The following ANKRD55 variants were observed in gnomAD, a reference collection of about 807,000 sequenced individuals.
ANKRD55 encodes the protein ankyrin repeat domain 55, also known as ankyrin repeat domain-containing protein 55.
A neutral mutation model predicts 60.6 loss-of-function variants in ANKRD55; 41 were observed. That is an observed-to-expected ratio of 0.68 (90% confidence interval 0.53 to 0.88). The LOEUF is 0.88. Ranked by LOEUF, ANKRD55 falls within the 40% of genes least tolerant of loss-of-function variation. ANKRD55 has a pLI of 0.00. For synonymous variants in ANKRD55, 264 were observed against 290.3 expected (o/e 0.91, Z 0.92); for missense variants, 732 against 767.6 (o/e 0.95, Z 0.55).
intron 4 of ANKRD55, among the ~76,000 whole-genome samples, chr5:56,172,006 C>G (rs1758619277): frequency 6.6e-6 from 1 of 151,806 alleles, no homozygotes; most frequent in Non-Finnish European, 1.5e-5. Flanking sequence ...GTAGTCCCAG[C>G]TACTCGGGAG....
At chr5:56,202,848 G>T (rs1467245148) in intron 2 of ANKRD55, among the ~76,000 whole-genome samples, 3 of 152,138 alleles carry the variant, frequency 2.0e-5, no homozygotes, top group Non-Finnish European at 4.4e-5. Context: ...ATTTCATGTT[G>T]AGCATCTCTC....
At chr5:56,128,625 G>A (rs1033362695) in intron 7 of ANKRD55, among the ~76,000 whole-genome samples, 1 of 152,162 alleles carries the variant, frequency 6.6e-6, no homozygotes, top group Admixed American at 6.5e-5. Context: ...GATCCTCCCA[G>A]GAAGAATGGT....
At chr5:56,194,472 T>C (rs187816415) in intron 2 of ANKRD55, among the ~76,000 whole-genome samples, 54 of 152,296 alleles carry the variant, frequency 3.5e-4, no homozygotes, top group African/African-American at 1.3e-3. Flanking sequence ...GCTGTGATTA[T>C]TTATAATTGG....
chr5:56,166,154 C>CTTTCTTTCT (rs11283204), intron 5 of ANKRD55, among the ~76,000 whole-genome samples: 19 of 71,504 alleles, frequency 2.7e-4, no homozygotes, highest in East Asian at 1.1e-3. Context: ...TTCTTTCTTT[C>CTTTCTTTCT]TTCTTTCCTT....
chr5:56,193,681 C>A (rs115351622), intron 2 of ANKRD55: 29,077 of 223,532 alleles, frequency 0.13, 3,706 homozygotes, highest in African/African-American at 0.37. Flanking sequence ...CTAGCATTGC[C>A]CTGAAGAAGG....
At chr5:56,112,085 A>G (rs2111677497) in intron 9 of ANKRD55, among the ~76,000 whole-genome samples, 3 of 152,326 alleles carry the variant, frequency 2.0e-5, no homozygotes, top group Non-Finnish European at 4.4e-5. Context: ...GTTTTCAACA[A>G]GAGGTTAACT....
chr5:56,131,166 A>AC lies in ANKRD55; in HGVS notation c.613-4061_613-4060insG, dbSNP rs200404959. Among the ~76,000 whole-genome samples, 21 of 151,976 alleles carry AC rather than the reference A, an allele frequency of 1.4e-4. No homozygotes were observed. In the South Asian group the frequency reaches 1.7e-3, roughly 12 times the overall value. On this transcript the variant is annotated intron_variant, in intron 7 of 11. Coordinates refer to ENST00000341048, the MANE Select transcript of ANKRD55 (RefSeq NM_024669.3). ...ATAAATGCCAAAAACAACAAAAAAAAACAACAAAACAAACAAAAAACCCTA... is the reference window on the plus strand; with the variant it reads ...ATAAATGCCAAAAACAACAAAAAAAACACAACAAAACAAACAAAAAACCCTA...
chr5:56,186,902 A>T (rs555752578), intron 2 of ANKRD55, among the ~76,000 whole-genome samples: 17 of 152,330 alleles, frequency 1.1e-4, no homozygotes, highest in Non-Finnish European at 2.1e-4. Flanking sequence ...CAGGAGGAAG[A>T]TCCTGGTGGT....
At chr5:56,227,286 A>T (rs1187039552) in intron 2 of ANKRD55, among the ~76,000 whole-genome samples, 1 of 140,030 alleles carries the variant, frequency 7.1e-6, no homozygotes. Context: ...AGAACTGAAC[A>T]TTGAGAACAC....
At chr5:56,178,122 G>A (rs1758776076) in intron 3 of ANKRD55, among the ~76,000 whole-genome samples, 1 of 152,026 alleles carries the variant, frequency 6.6e-6, no homozygotes, top group Non-Finnish European at 1.5e-5. Context: ...CACTGTACCT[G>A]GTACCGGGAA....
Position 56,232,783 on chromosome 5 carries a change from CT to C in ANKRD55, c.58+72del, listed in dbSNP as rs1020752418. 4.2e-6 allele frequency: 6 copies of C among 1,442,588 alleles called. No individual in the cohort carries two copies. In the African/African-American group the frequency reaches 7.2e-5, roughly 17 times the overall value. The allele number at this position is 1,442,588 out of a possible 1,614,324, so 89.4% of individuals were successfully genotyped here. ...ACACACACACACTTCTCTTTCTCTC[CT>C]TACAACTGTAAATCCATACCATGAG... On this transcript the variant is annotated intron_variant, in intron 2 of 11. Coordinates refer to ENST00000341048, the MANE Select transcript of ANKRD55 (RefSeq NM_024669.3).
chr5:56,116,620 C>T lies in ANKRD55; in HGVS notation c.960G>A (p.Glu320=), dbSNP rs1277921397. 1.9e-6 allele frequency: 3 copies of T among 1,581,918 alleles called. No homozygotes were observed. Among genetic ancestry groups the T allele is most frequent in the Non-Finnish European group, 2.6e-6 (3 of 1,165,672 alleles). ...CTGGCTCCTGTTGTACTCACCTGCT[C>T]TCTTGGGAGAGGAGTTTGACACACG... ...HTACVKLLSQ[E]SRTEPTRPPP... Residue 320 remains glutamate (E), a synonymous_variant, in exon 9 of 12, where the codon GAG becomes GAA. Coordinates refer to ENST00000341048, the MANE Select transcript of ANKRD55 (RefSeq NM_024669.3).
intron 7 of ANKRD55, among the ~76,000 whole-genome samples, chr5:56,141,631 C>G (rs1580976035): frequency 6.6e-6 from 1 of 152,268 alleles, no homozygotes; most frequent in South Asian, 2.1e-4. Flanking sequence ...GGGTGGCACA[C>G]CCAGAGAGGG....
chr5:56,150,359 A>G (rs1003810722), intron 6 of ANKRD55, among the ~76,000 whole-genome samples: 1 of 152,150 alleles, frequency 6.6e-6, no homozygotes, highest in Non-Finnish European at 1.5e-5. Flanking sequence ...CGCATTAATA[A>G]ACAACCTTAT....
chr5:56,190,011 AT>A (rs1364704253), intron 2 of ANKRD55, among the ~76,000 whole-genome samples: 5 of 152,218 alleles, frequency 3.3e-5, no homozygotes, highest in African/African-American at 7.2e-5. Flanking sequence ...TTTAAAAAAA[AT>A]AATAGCCATC....
chr5:56,109,536 CTT>C (rs933504019), intron 10 of ANKRD55, among the ~76,000 whole-genome samples: 1 of 144,624 alleles, frequency 6.9e-6, no homozygotes. Flanking sequence ...ACCTGTGGAT[CTT>C]TTTTTTTTTT....
At chr5:56,157,817 C>A (rs1326242691) in intron 6 of ANKRD55, among the ~76,000 whole-genome samples, 2 of 152,152 alleles carry the variant, frequency 1.3e-5, no homozygotes, top group African/African-American at 2.4e-5. Context: ...GAGACCGGAG[C>A]CGGCGCGCGT....
intron 2 of ANKRD55, among the ~76,000 whole-genome samples, chr5:56,203,364 T>C (rs894935360): frequency 3.3e-5 from 5 of 152,180 alleles, no homozygotes; most frequent in African/African-American, 1.2e-4. Context: ...ATTATTATTA[T>C]ACTTTAAGTT....
At chr5:56,208,213 T>C (rs1247166346) in intron 2 of ANKRD55, among the ~76,000 whole-genome samples, 1 of 151,976 alleles carries the variant, frequency 6.6e-6, no homozygotes. Context: ...TGCAAAAAAC[T>C]GTCATCTCCT....
Sources: gnomAD v4.1 joint callset for allele counts (sites outside exome capture counted in the v4.1 genomes callset) on GRCh38, gnomAD v4.1.1 for gene constraint, MANE v1.5 for transcripts, NCBI Gene and HGNC (gene_info 2026-07-23, HGNC 2026-07-21) for gene names.